KIFC3: variants seen among roughly 807,000 people sequenced by gnomAD.
The protein encoded by KIFC3 is kinesin family member C3.
KIFC3 carries 60 observed loss-of-function variants against 101.8 expected under a neutral mutation model. The observed-to-expected ratio is 0.59, with a 90% CI of 0.48 to 0.73. The LOEUF is 0.73. KIFC3 is among the 30% of genes least tolerant of loss of function. The pLI is 0.00. For synonymous variants in KIFC3, 476 were observed against 482.7 expected (o/e 0.99, Z 0.18); for missense variants, 966 against 1,137.1 (o/e 0.85, Z 2.16).
chr16:57,794,873 A>C, intron 3 of KIFC3, 126 bp downstream of exon 3: 1 of 805,500 alleles, frequency 1.2e-6, no homozygotes, highest in Non-Finnish European at 1.8e-6. Flanking sequence ...GGGGCCCAAC[A>C]GAGAGGTGCG....
intron 3 of KIFC3, chr16:57,779,910 T>TA: frequency 6.6e-6 from 1 of 152,312 alleles, no homozygotes; most frequent in South Asian, 2.1e-4. Flanking sequence ...TCAGGAAACT[T>TA]ACAATCCTGG....
chr16:57,828,318 G>A (rs538384554), intron 1 of KIFC3, among the ~76,000 whole-genome samples: 3 of 152,352 alleles, frequency 2.0e-5, no homozygotes, highest in East Asian at 1.9e-4. Context: ...CCACCTGCCC[G>A]GTAAGGCAAT....
At chr16:57,822,133 C>A (rs1248246404) in intron 1 of KIFC3, among the ~76,000 whole-genome samples, 1 of 152,058 alleles carries the variant, frequency 6.6e-6, no homozygotes, top group African/African-American at 2.4e-5. Flanking sequence ...CAAGAAAATT[C>A]CCCAAGATAC....
chr16:57,807,472 T>C (rs1555627139), upstream of KIFC3: 1 of 152,204 alleles, frequency 6.6e-6, no homozygotes, highest in Non-Finnish European at 1.5e-5. Context: ...TGTAAATTCC[T>C]GTCATCCTTG....
chr16:57,785,806 C>T (rs975139552), intron 3 of KIFC3: 2 of 333,880 alleles, frequency 6.0e-6, no homozygotes, highest in Admixed American at 4.7e-5. Context: ...AGGGCTGGGG[C>T]GGCAGCGGCA....
At chr16:57,793,583 ACT>A (rs1397963204) in intron 3 of KIFC3, among the ~76,000 whole-genome samples, 4 of 132,040 alleles carry the variant, frequency 3.0e-5, no homozygotes, top group Admixed American at 1.5e-4. Context: ...ACAGAGCGAG[ACT>A]CTGTCTCAAA....
intron 1 of KIFC3, among the ~76,000 whole-genome samples, chr16:57,812,853 A>G (rs2055124323): frequency 6.6e-6 from 1 of 152,226 alleles, no homozygotes; most frequent in African/African-American, 2.4e-5. Flanking sequence ...GAACTGGTCC[A>G]GCCATGTCTG....
chr16:57,848,231 G>A (rs556064307), intron 1 of KIFC3, among the ~76,000 whole-genome samples: 6 of 152,278 alleles, frequency 3.9e-5, no homozygotes, highest in Admixed American at 1.3e-4. Flanking sequence ...CTATAAGCTC[G>A]TTTTGTTCAG....
At chr16:57,776,352 C>T (rs1243940000) in intron 3 of KIFC3, 1 of 985,266 alleles carries the variant, frequency 1.0e-6, no homozygotes, top group Non-Finnish European at 1.2e-6. Context: ...TATCTGTCCC[C>T]TGTCCACGCC....
intron 1 of KIFC3, among the ~76,000 whole-genome samples, chr16:57,847,803 T>TGTGTGTGTGTGA (rs1475141468): frequency 2.8e-5 from 4 of 143,832 alleles, no homozygotes; most frequent in African/African-American, 5.2e-5. Context: ...TGTGTGTGTG[T>TGTGTGTGTGTGA]GAGACCGAGT....
At chr16:57,770,112 C>T (rs1287236593) in intron 7 of KIFC3, among the ~76,000 whole-genome samples, 157 bp from the exon 8 acceptor site, 2 of 152,206 alleles carry the variant, frequency 1.3e-5, no homozygotes, top group Admixed American at 6.5e-5. Context: ...TGTCTCCCTC[C>T]CCCTACAGGG....
intron 6 of KIFC3, 65 bp downstream of exon 6, chr16:57,771,133 G>A (rs1420601259): frequency 1.0e-5 from 16 of 1,584,840 alleles, no homozygotes; most frequent in Non-Finnish European, 1.3e-5. Flanking sequence ...CCCCTTATGG[G>A]CTAGCCCTGC....
intron 3 of KIFC3, among the ~76,000 whole-genome samples, chr16:57,786,961 A>G (rs1253980774): frequency 6.6e-6 from 1 of 152,212 alleles, no homozygotes; most frequent in Non-Finnish European, 1.5e-5. Flanking sequence ...TCCCTCCTCC[A>G]CCCGAGCACT....
rs2055729434 is a variant in KIFC3, at chr16:57,837,939, G to A, written c.108+24790C>T. Reference sequence around the variant, plus strand: ...CCATACAGATTGGCCTTGGCAGAGCGCAGCCCAGACCCAGGTCCGCTAACT... The same window carrying A: ...CCATACAGATTGGCCTTGGCAGAGCACAGCCCAGACCCAGGTCCGCTAACT... On this transcript the variant is annotated intron_variant, in intron 1 of 2. Transcript: ENST00000563028. 2.6e-5 allele frequency among the ~76,000 whole-genome samples: 4 copies of A among 152,288 alleles called. 1 individual carries two copies. In the South Asian group the frequency reaches 8.3e-4, roughly 32 times the overall value.
At chr16:57,774,835 TTC>T in intron 3 of KIFC3, 1 of 1,319,878 alleles carries the variant, frequency 7.6e-7, no homozygotes, top group East Asian at 2.9e-5. Context: ...CCAGTAATTT[TTC>T]AGTCTCAAAG....
intron 11 of KIFC3, 133 bp downstream of exon 11, chr16:57,765,326 A>AGAT: frequency 1.1e-6 from 1 of 874,920 alleles, no homozygotes; most frequent in Admixed American, 2.8e-5. Flanking sequence ...AAGGAGCAGG[A>AGAT]CCCTGGCTCC....
At chr16:57,765,855 CTG>C (rs2050423161) in intron 10 of KIFC3, 2 of 495,212 alleles carry the variant, frequency 4.0e-6, no homozygotes, top group African/African-American at 2.0e-5. Flanking sequence ...GACCAGTTGA[CTG>C]GGGTGGAGCT....
At position 57,758,593 on chromosome 16, in the gene KIFC3, C is replaced by T; in HGVS notation, c.*341G>A. ...AGCTGAGGAGAGGGGCCGAGAAAGC[C>T]TGGGTGAGAGGCCCACCCTCCTCCA... On this transcript the variant is annotated 3_prime_UTR_variant, in exon 20 of 20. Coordinates refer to ENST00000445690, the MANE Select transcript of KIFC3 (RefSeq NM_001130100.2). The T allele has an allele frequency of 1.5e-6, 1 of 683,524 alleles. No individual in the cohort carries two copies. Among genetic ancestry groups the T allele is most frequent in the Non-Finnish European group, 2.7e-6 (1 of 373,256 alleles). The allele number at this position is 683,524 out of a possible 1,614,324, so 42.3% of individuals were successfully genotyped here.
chr16:57,782,671 C>T (rs553835555), intron 3 of KIFC3, among the ~76,000 whole-genome samples: 68 of 152,286 alleles, frequency 4.5e-4, no homozygotes, highest in African/African-American at 1.5e-3. Flanking sequence ...AGGCTGGGCG[C>T]GGTGGCTCAC....
Sources: allele counts gnomAD v4.1 joint callset (sites outside exome capture counted in the v4.1 genomes callset), GRCh38; gene constraint gnomAD v4.1.1; transcripts MANE v1.5; gene names NCBI Gene and HGNC (gene_info 2026-07-23, HGNC 2026-07-21).